The following DHRS1 variants were observed in gnomAD, a reference collection of about 807,000 sequenced individuals.
DHRS1 encodes the protein dehydrogenase/reductase SDR family member 1.
DHRS1 carries 34 observed loss-of-function variants against 35.2 expected under a neutral mutation model. That is an observed-to-expected ratio of 0.97 (90% CI 0.74 to 1.29). The LOEUF (loss-of-function observed/expected upper bound fraction) is 1.29. Ranked by LOEUF, DHRS1 falls within the 50% of genes most tolerant of loss-of-function variation. The pLI, the probability that DHRS1 is intolerant of heterozygous loss-of-function variation, is 0.00. For missense variants in DHRS1, 354 were observed against 403.6 expected, an observed-to-expected ratio of 0.88 and a Z score of 1.05; for synonymous variants, 133 against 160.0, an observed-to-expected ratio of 0.83 and a Z score of 1.27.
Position 24,299,724 on chromosome 14 carries a change from T to G in DHRS1, c.-168A>C. ...GACCCGGGGCGATTCTGTGCTGAGG[T>G]AGAGGGGCAGAGTCCCAGGCCAAAG... On this transcript the variant is annotated 5_prime_UTR_variant, in exon 1 of 9. Transcript: ENST00000288111. 4.0e-6 allele frequency: 2 copies of G among 504,842 alleles called. No individual in the cohort carries two copies. The highest frequency in any genetic ancestry group is 7.4e-5 in the Admixed American group (2 of 27,088). 31.3% of individuals were successfully genotyped at this position (504,842 alleles called of 1,614,324 possible).
intron 6 of DHRS1, 134 bp downstream of exon 6, chr14:24,292,050 A>T (rs1410255161): frequency 7.1e-6 from 8 of 1,123,660 alleles, no homozygotes; most frequent in Non-Finnish European, 7.8e-6. Context: ...ATTAAAGGAA[A>T]TAATGTGTGT....
Position 24,296,880 on chromosome 14 carries a change from G to A in DHRS1, c.152C>T (p.Ala51Val). 2 of 1,614,226 alleles carry A rather than the reference G, an allele frequency of 1.2e-6. No homozygotes were observed. The highest frequency in any genetic ancestry group is 1.7e-6 in the Non-Finnish European group (2 of 1,180,036). The change falls in exon 3 of 9, where the codon GCA becomes GTA. Residue 51 changes from alanine to valine, a missense_variant and splice_region_variant. Ala to Val is a moderately conservative substitution (Grantham distance 64, BLOSUM62 0). Transcript: ENST00000288111. The stretch of plus-strand genomic sequence containing the variant: ...CACACATTGGCCCCCGAGGGATTGT[G>A]CCTGGAGTAGGACAGGGGATATGAG... ...LDTLRVVAQE[A>V]QSLGGQCVPV...
intron 4 of DHRS1, among the ~76,000 whole-genome samples, chr14:24,295,410 T>A (rs190043382): frequency 2.0e-5 from 3 of 152,058 alleles, no homozygotes; most frequent in Admixed American, 6.6e-5. Flanking sequence ...ACAAGTAGAG[T>A]TATAGTTTTA....
At chr14:24,291,392 C>G in intron 7 of DHRS1, 164 bp downstream of exon 7, 1 of 1,032,884 alleles carries the variant, frequency 9.7e-7, no homozygotes, top group Non-Finnish European at 1.5e-6. Context: ...GCTCCTAAGG[C>G]TCTCAGACCT....
At position 24,296,853 on chromosome 14, in the gene DHRS1, G is replaced by A. The variant is rs1190136985; in HGVS notation, c.179C>T (p.Pro60Leu). The change falls in exon 3 of 9, where the codon CCT becomes CTT. Residue 60 changes from proline (P) to leucine (L), a missense_variant. Coordinates refer to ENST00000288111, the MANE Select transcript of DHRS1 (RefSeq NM_001136050.3). ...EAQSLGGQCV[P>L]VVCDSSQESE... is the part of the protein sequence containing the mutation. Reference sequence around the variant, plus strand: ...CTCCTGGCTTGAATCGCACACCACAGGCACACATTGGCCCCCGAGGGATTG... The same window carrying A: ...CTCCTGGCTTGAATCGCACACCACAAGCACACATTGGCCCCCGAGGGATTG... 1 of 1,614,216 alleles carries A rather than the reference G, an allele frequency of 6.2e-7. No individual in the cohort carries two copies. Among genetic ancestry groups the A allele is most frequent in the East Asian group, 2.2e-5 (1 of 44,884 alleles).
At chr14:24,293,368 G>A (rs1377653187) in intron 4 of DHRS1, 1 of 152,482 alleles carries the variant, frequency 6.6e-6, no homozygotes, top group Non-Finnish European at 1.5e-5. Context: ...GAGCTCAGGA[G>A]TTTGAGACCA....
Position 24,292,148 on chromosome 14 carries a change from C to G in DHRS1, c.654+36G>C, listed in dbSNP as rs756570342. Reference sequence around the variant, plus strand: ...TATTGAGGATGCAGAGGCCGACTCCCCTGTTCTCTGCTTCCTTCGCCCTCC... The same window carrying G: ...TATTGAGGATGCAGAGGCCGACTCCGCTGTTCTCTGCTTCCTTCGCCCTCC... On this transcript the variant is annotated intron_variant, in intron 6 of 8. Coordinates refer to ENST00000288111, the MANE Select transcript of DHRS1 (RefSeq NM_001136050.3). 3.7e-6 allele frequency: 6 copies of G among 1,613,562 alleles called. No individual in the cohort carries two copies. The African/African-American group carries it at 6.7e-5, about 18-fold the overall frequency.
Position 24,299,097 on chromosome 14 carries a change from G to A in DHRS1, c.10C>T (p.Pro4Ser), listed in dbSNP as rs762707146. 6.2e-7 allele frequency: 1 copy of A among 1,612,822 alleles called. No homozygotes were observed. Among genetic ancestry groups the A allele is most frequent in the Non-Finnish European group, 8.5e-7 (1 of 1,179,018 alleles). The part of the protein sequence containing the change: MAA[P>S]MNGQVCVVTG... ...ACCACACACACTTGGCCATTCATGG[G>A]AGCTGCCATGACTCACAGGCAAAGG... The change falls in exon 2 of 9, where the codon CCC becomes TCC. Residue 4 changes from proline (P) to serine (S), a missense_variant. Physicochemically the swap from Pro to Ser is moderately conservative, Grantham distance 74. Coordinates refer to ENST00000288111, the MANE Select transcript of DHRS1 (RefSeq NM_001136050.3).
Position 24,292,698 on chromosome 14 carries a change from C to T in DHRS1, c.461G>A (p.Ser154Asn). 1 of 1,614,236 alleles carries T rather than the reference C, an allele frequency of 6.2e-7. No homozygotes were observed. The highest frequency in any genetic ancestry group is 1.7e-5 in the Admixed American group (1 of 60,030). ...GLIVVISSPGSLQYMFNVPYG... is the reference protein window; with the variant it reads ...GLIVVISSPGNLQYMFNVPYG... ...GGGGACATTGAACATATACTGCAGG[C>T]TTCCTGGGGAGGAGATGACCACGAT... is the stretch of plus-strand genomic sequence containing the variant. Residue 154 changes from serine (S) to asparagine (N), a missense_variant, in exon 5 of 9, where the codon AGC becomes AAC. Transcript: ENST00000288111.
At chr14:24,296,004 T>G (rs1198655856) in intron 4 of DHRS1, among the ~76,000 whole-genome samples, 1 of 152,208 alleles carries the variant, frequency 6.6e-6, no homozygotes, top group Non-Finnish European at 1.5e-5. Context: ...TTCATCTCAC[T>G]CCTGGGCTAA....
rs758471620 is a variant in DHRS1 at position 24,292,814 on chromosome 14, GA to G, written c.375-31del. On this transcript the variant is annotated intron_variant, in intron 4 of 8. Coordinates refer to ENST00000288111, the MANE Select transcript of DHRS1 (RefSeq NM_001136050.3). ...AAGGTGGGGCAAGGGAAGAAGGAAT[GA>G]ACCGTGTTAGTGCTGGCCTGGGTGC... is the stretch of plus-strand genomic sequence containing the variant. The G allele has an allele frequency of 3.1e-6, 5 of 1,604,048 alleles. No homozygotes were observed. In the Admixed American group the frequency reaches 5.2e-5, roughly 17 times the overall value.
intron 1 of DHRS1, 101 bp from the exon 2 acceptor site, chr14:24,299,231 G>C (rs2041322283): frequency 8.6e-7 from 1 of 1,156,710 alleles, no homozygotes; most frequent in African/African-American, 1.6e-5. Context: ...CTAAGAGGAG[G>C]AGCCAAGGTA....
chr14:24,291,676 C>T, intron 6 of DHRS1, 51 bp from the exon 7 acceptor site: 1 of 1,546,278 alleles, frequency 6.5e-7, no homozygotes, highest in Non-Finnish European at 8.9e-7. Flanking sequence ...GAGCACTGCC[C>T]AGGTCTCCTC....
At chr14:24,291,408 T>G (rs548407853) in intron 7 of DHRS1, 148 bp downstream of exon 7, 2 of 1,072,222 alleles carry the variant, frequency 1.9e-6, no homozygotes, top group African/African-American at 1.6e-5. Context: ...GACCTCAAAC[T>G]GGGAATGCTG....
At position 24,290,879 on chromosome 14, in the gene DHRS1, G is replaced by C. The variant is rs1178949568; in HGVS notation, c.922C>G (p.Leu308Val). 2 of 1,613,748 alleles carry C rather than the reference G, an allele frequency of 1.2e-6. No individual in the cohort carries two copies. The highest frequency in any genetic ancestry group is 1.7e-6 in the Non-Finnish European group (2 of 1,179,918). Residue 308 changes from leucine (L) to valine (V), a missense_variant, in exon 9 of 9, where the codon CTC (leucine) becomes GTC (valine). By Grantham distance (32) the Leu-to-Val change is conservative (BLOSUM62 1). Transcript: ENST00000288111. ...FLRVPKWIIA[L>V]YTSKF ...GAGGGTTAGAACTTGCTAGTGTAGA[G>C]GGCAATAATCCACTTGGGCACACGG...
chr14:24,295,191 T>C (rs2041229001), intron 4 of DHRS1, among the ~76,000 whole-genome samples: 1 of 152,186 alleles, frequency 6.6e-6, no homozygotes, highest in South Asian at 2.1e-4. Flanking sequence ...GAATGAGAGA[T>C]ATTTACATGA....
chr14:24,296,652 G>A (rs2139100478), intron 3 of DHRS1, 64 bp from the exon 4 acceptor site: 10 of 1,613,536 alleles, frequency 6.2e-6, no homozygotes, highest in Non-Finnish European at 8.5e-6. Flanking sequence ...GCTGGGTAAT[G>A]GAAGGGACAA....
chr14:24,298,721 A>C lies in DHRS1; in HGVS notation c.150+236T>G, dbSNP rs186877859. On this transcript the variant is annotated intron_variant, in intron 2 of 8. Transcript: ENST00000288111. The stretch of plus-strand genomic sequence containing the variant: ...CCTCCGGAGTAGCTGCTGGGACTGC[A>C]GGAACGTGCCACCATGCCTGGCTCA... The C allele has an allele frequency of 9.8e-5, 46 of 469,488 alleles. 2 individuals are homozygous for C. The Admixed American group carries it at 1.3e-3, about 13-fold the overall frequency. 29.1% of individuals were successfully genotyped at this position (469,488 alleles called of 1,614,324 possible).
At chr14:24,296,021 C>G (rs1195050164) in intron 4 of DHRS1, among the ~76,000 whole-genome samples, 2 of 152,212 alleles carry the variant, frequency 1.3e-5, no homozygotes, top group African/African-American at 4.8e-5. Context: ...CTAAATGACC[C>G]TGTGTGACCC....
Sources: gnomAD v4.1 joint callset for allele counts (sites outside exome capture counted in the v4.1 genomes callset) on GRCh38, gnomAD v4.1.1 for gene constraint, MANE v1.5 for transcripts, NCBI Gene and HGNC (gene_info 2026-07-23, HGNC 2026-07-21) for gene names.